Variants in ANKAR observed in about 807,000 individuals in gnomAD.
The protein encoded by ANKAR is ankyrin and armadillo repeat-containing protein.
ANKAR carries 136 observed loss-of-function variants against 146.2 expected under a neutral mutation model. The ratio of observed to expected loss-of-function variants is 0.93; its 90% CI spans 0.81 to 1.07. The LOEUF (loss-of-function observed/expected upper bound fraction) is 1.07. Ranked by LOEUF, ANKAR falls within the 50% of genes least tolerant of loss-of-function variation. The pLI, the probability that ANKAR is intolerant of heterozygous loss-of-function variation, is 0.00. For synonymous variants in ANKAR, 500 were observed against 575.8 expected (o/e 0.87, Z 1.88); for missense variants, 1,567 against 1,679.9 (o/e 0.93, Z 1.18).
intron 17 of ANKAR, 96 bp from the exon 18 acceptor site, chr2:189,737,587 A>G (rs2042971618): frequency 1.8e-6 from 2 of 1,092,038 alleles, no homozygotes; most frequent in South Asian, 3.3e-5. Flanking sequence ...AGTGATAAGA[A>G]TGCAATATAT....
intron 10 of ANKAR, among the ~76,000 whole-genome samples, chr2:189,711,707 T>C (rs1302882582): frequency 1.3e-5 from 2 of 152,144 alleles, no homozygotes; most frequent in Non-Finnish European, 2.9e-5. Flanking sequence ...ATTTCTGCAT[T>C]TCCAACTGAG....
At chr2:189,710,931 T>C in intron 9 of ANKAR, 118 bp from the exon 10 acceptor site, 4 of 733,478 alleles carry the variant, frequency 5.5e-6, no homozygotes, top group Non-Finnish European at 7.1e-6. Context: ...ATGCAGTTGG[T>C]GGTAATAGTG....
chr2:189,737,255 A>G (rs1559140114), intron 17 of ANKAR, among the ~76,000 whole-genome samples: 1 of 152,108 alleles, frequency 6.6e-6, no homozygotes, highest in Non-Finnish European at 1.5e-5. Context: ...AAGGTCTGCC[A>G]TACTTATATA....
intron 7 of ANKAR, among the ~76,000 whole-genome samples, chr2:189,704,147 A>AT (rs56118672): frequency 0.98 from 144,741 of 147,596 alleles, 70,998 homozygotes; most frequent in East Asian, 1. Context: ...ATTATTGGGA[A>AT]TTTTTTTTTT....
At chr2:189,711,881 A>G (rs2039740681) in intron 10 of ANKAR, among the ~76,000 whole-genome samples, 1 of 152,250 alleles carries the variant, frequency 6.6e-6, no homozygotes, top group Non-Finnish European at 1.5e-5. Flanking sequence ...AAAACGGGGC[A>G]TTCATGCCCA....
chr2:189,732,111 A>G lies in ANKAR; in HGVS notation c.3301-996A>G, dbSNP rs559528549. Among the ~76,000 whole-genome samples, 5 of 152,342 alleles carry G rather than the reference A, an allele frequency of 3.3e-5. No homozygotes were observed. In the East Asian group the frequency reaches 7.7e-4, roughly 23 times the overall value. On this transcript the variant is annotated intron_variant, in intron 16 of 22. Coordinates refer to ENST00000684021, the MANE Select transcript of ANKAR (RefSeq NM_001378068.1). ...TTAAATAGAACATAAATACATTTCA[A>G]TACTTTTTCTCAAAAGATTCTATAA...
downstream of ANKAR, chr2:189,750,779 G>C (rs1574844101): frequency 1.1e-5 from 7 of 653,830 alleles, no homozygotes; most frequent in South Asian, 1.7e-4. Context: ...CATATGTGGT[G>C]ATGATTCTTA....
chr2:189,728,909 C>T, intron 15 of ANKAR, 88 bp downstream of exon 15: 1 of 1,268,744 alleles, frequency 7.9e-7, no homozygotes, highest in Non-Finnish European at 1.1e-6. Flanking sequence ...CTCTTCCTCT[C>T]TATCCCCACT....
At chr2:189,695,618 A>G (rs2037087769) in intron 6 of ANKAR, among the ~76,000 whole-genome samples, 1 of 152,262 alleles carries the variant, frequency 6.6e-6, no homozygotes, top group Admixed American at 6.5e-5. Flanking sequence ...TGTTTCAACA[A>G]GCCTTGAAGT....
chr2:189,711,885 A>G (rs2039741771), intron 10 of ANKAR, among the ~76,000 whole-genome samples: 1 of 152,232 alleles, frequency 6.6e-6, no homozygotes, highest in Admixed American at 6.5e-5. Context: ...CGGGGCATTC[A>G]TGCCCAAACA....
chr2:189,729,695 C>CGTGTGTGTGTGTGTGTGTGAGT (rs2042220987), intron 15 of ANKAR, among the ~76,000 whole-genome samples: 1 of 94,206 alleles, frequency 1.1e-5, no homozygotes. Flanking sequence ...ATCAGCTGTG[C>CGTGTGTGTGTGTGTGTGTGAGT]GTGTGTGTGT....
downstream of ANKAR, among the ~76,000 whole-genome samples, chr2:189,749,555 TC>T (rs1175928761): frequency 2.0e-5 from 3 of 151,828 alleles, no homozygotes; most frequent in African/African-American, 7.3e-5. Flanking sequence ...TAAAAAAAAA[TC>T]CAAAAAAACT....
chr2:189,759,487 T>A (rs911119568), intron 18 of ANKAR, among the ~76,000 whole-genome samples: 1 of 152,162 alleles, frequency 6.6e-6, no homozygotes, highest in African/African-American at 2.4e-5. Context: ...CCTGACCTCA[T>A]GGTCCACTTG....
At position 189,746,468 on chromosome 2, in the gene ANKAR, C is replaced by T; in HGVS notation, c.4146C>T (p.Leu1382=). Residue 1382 remains leucine, a synonymous_variant, in exon 23 of 23, where the codon CTC becomes CTT. Transcript: ENST00000684021. ...LLPPVTNFMG[L]FKATKKTKDS... is the part of the protein sequence containing the mutation. ...CTCCTGTAACTAACTTCATGGGACT[C>T]TTCAAAGCAACAAAAAAGACCAAGG... is the stretch of plus-strand genomic sequence containing the variant. The T allele has an allele frequency of 6.2e-7, 1 of 1,613,820 alleles. No homozygotes were observed. The highest frequency in any genetic ancestry group is 8.5e-7 in the Non-Finnish European group (1 of 1,179,882).
intron 7 of ANKAR, among the ~76,000 whole-genome samples, chr2:189,699,458 A>G (rs1157586934): frequency 6.6e-6 from 1 of 152,174 alleles, no homozygotes; most frequent in Non-Finnish European, 1.5e-5. Flanking sequence ...CTACTTTCAG[A>G]TAACACTAAG....
rs2045964721 is a variant in ANKAR at position 189,755,645 on chromosome 2, A to G, written c.*585-5453A>G. On this transcript the variant is annotated intron_variant and NMD_transcript_variant, in intron 18 of 18. Coordinates refer to the ANKAR transcript ENST00000441800. The stretch of plus-strand genomic sequence containing the variant: ...TATTACAGCTAAAAGCATGTCTTCA[A>G]GTTAATCATTATATAGCTGAGTAAG... 6 of 1,409,532 alleles carry G rather than the reference A, an allele frequency of 4.3e-6. No individual in the cohort carries two copies. The Admixed American group carries it at 1.6e-4, about 39-fold the overall frequency. The allele number at this position is 1,409,532 out of a possible 1,614,324, so 87.3% of individuals were successfully genotyped here. A position where few individuals can be genotyped will look rare whatever the true frequency, so the allele number is the denominator to read the frequency against.
chr2:189,753,446 C>T (rs2045598683), intron 18 of ANKAR, among the ~76,000 whole-genome samples: 1 of 151,938 alleles, frequency 6.6e-6, no homozygotes, highest in South Asian at 2.1e-4. Flanking sequence ...GGCTTTTAAG[C>T]ACAATTAAAG....
chr2:189,684,219 T>G (rs1031794902), intron 2 of ANKAR, among the ~76,000 whole-genome samples: 1 of 152,124 alleles, frequency 6.6e-6, no homozygotes, highest in South Asian at 2.1e-4. Flanking sequence ...TGTTTTTTTC[T>G]CTGTTCATTC....
chr2:189,722,179 A>C (rs2041334292), intron 12 of ANKAR, among the ~76,000 whole-genome samples: 1 of 151,914 alleles, frequency 6.6e-6, no homozygotes, highest in African/African-American at 2.4e-5. Flanking sequence ...ATCTCTACTA[A>C]AATACAAAAA....
Sources: allele counts gnomAD v4.1 joint callset (sites outside exome capture counted in the v4.1 genomes callset), GRCh38; gene constraint gnomAD v4.1.1; transcripts MANE v1.5; gene names NCBI Gene and HGNC (gene_info 2026-07-23, HGNC 2026-07-21).